Variants in MPHOSPH6 observed in about 807,000 individuals in gnomAD.
MPHOSPH6 encodes the protein M-phase phosphoprotein 6.
Under a neutral mutation model 21.8 loss-of-function variants are expected in MPHOSPH6, and 25 were observed. That is an observed-to-expected ratio of 1.15 (90% confidence interval 0.83 to 1.60). The LOEUF is 1.60. Ranked by LOEUF, MPHOSPH6 falls within the 40% of genes most tolerant of loss-of-function variation. The pLI is 0.00. For synonymous variants in MPHOSPH6, 84 were observed against 56.5 expected, an observed-to-expected ratio of 1.49 and a Z score of -2.18; for missense variants, 269 against 181.8, an observed-to-expected ratio of 1.48 and a Z score of -2.76.
At chr16:82,168,958 A>C (rs1906881323) in intron 1 of MPHOSPH6, among the ~76,000 whole-genome samples, 1 of 152,108 alleles carries the variant, frequency 6.6e-6, no homozygotes, top group Admixed American at 6.5e-5. Flanking sequence ...TGTCTACACT[A>C]CTTATTAGCT....
intron 1 of MPHOSPH6, among the ~76,000 whole-genome samples, chr16:82,168,188 C>A (rs964183674): frequency 8.5e-5 from 13 of 152,168 alleles, no homozygotes; most frequent in African/African-American, 3.1e-4. Flanking sequence ...GCCTGAGTCA[C>A]CCAGTACATC....
intron 1 of MPHOSPH6, among the ~76,000 whole-genome samples, chr16:82,169,286 T>C (rs893853392): frequency 6.6e-6 from 1 of 152,252 alleles, no homozygotes; most frequent in African/African-American, 2.4e-5. Flanking sequence ...GAATTGTCTC[T>C]AATTCTTGGA....
chr16:82,149,326 A>T lies in MPHOSPH6; in HGVS notation c.333T>A (p.Asp111Glu), dbSNP rs1906187866. The change falls in exon 4 of 5, where the codon GAT becomes GAA. Residue 111 changes from aspartate to glutamate, a missense_variant. Physicochemically the swap from Asp to Glu is conservative, Grantham distance 45 (BLOSUM62 2). Coordinates refer to ENST00000258169, the MANE Select transcript of MPHOSPH6 (RefSeq NM_005792.2). Reference protein sequence around the residue: ...EDETVELDVSDEEMARRYETL... With the variant: ...EDETVELDVSEEEMARRYETL... Reference sequence around the variant, plus strand: ...ACGGTTACCTTCTAGCCATCTCTTCATCTGACACATCAAGCTCTACTGTTT... The same window carrying T: ...ACGGTTACCTTCTAGCCATCTCTTCTTCTGACACATCAAGCTCTACTGTTT... 1 of 1,613,272 alleles carries T rather than the reference A, an allele frequency of 6.2e-7. No homozygotes were observed. Among genetic ancestry groups the T allele is most frequent in the Non-Finnish European group, 8.5e-7 (1 of 1,180,032 alleles).
intron 4 of MPHOSPH6, 53 bp from the exon 5 acceptor site, chr16:82,148,916 C>G (rs1274714483): frequency 1.3e-6 from 2 of 1,585,886 alleles, no homozygotes; most frequent in South Asian, 1.1e-5. Flanking sequence ...AGGTAGGGAT[C>G]AAGCCTTGTC....
At chr16:82,167,232 A>G (rs1906811618) in intron 1 of MPHOSPH6, among the ~76,000 whole-genome samples, 2 of 152,170 alleles carry the variant, frequency 1.3e-5, no homozygotes, top group African/African-American at 2.4e-5. Flanking sequence ...CAACCATTCC[A>G]TACTGGAAGA....
chr16:82,159,538 G>T (rs1303800971), intron 2 of MPHOSPH6, among the ~76,000 whole-genome samples: 2 of 152,086 alleles, frequency 1.3e-5, no homozygotes, highest in African/African-American at 4.8e-5. Context: ...CTGAGAAGCT[G>T]GGACTACAGG....
intron 2 of MPHOSPH6, among the ~76,000 whole-genome samples, chr16:82,157,413 T>G (rs920742032): frequency 6.6e-6 from 1 of 152,240 alleles, no homozygotes; most frequent in African/African-American, 2.4e-5. Flanking sequence ...TCCTTTTTTA[T>G]GAAGTTCAAG....
intron 2 of MPHOSPH6, among the ~76,000 whole-genome samples, chr16:82,161,877 T>A (rs896846790): frequency 5.3e-5 from 8 of 152,178 alleles, no homozygotes; most frequent in African/African-American, 1.9e-4. Flanking sequence ...GCCCTAATTA[T>A]CTTCACTGAA....
chr16:82,159,886 T>C (rs1412499134), intron 2 of MPHOSPH6, among the ~76,000 whole-genome samples: 1 of 152,186 alleles, frequency 6.6e-6, no homozygotes, highest in Non-Finnish European at 1.5e-5. Context: ...GTTCAGCTTT[T>C]TCTATGAACT....
In MPHOSPH6 at chr16:82,148,872, A is replaced by AGGACAGGC. The variant is rs1196115889; in HGVS notation, c.351-17_351-10dup. 1.9e-6 allele frequency: 3 copies of AGGACAGGC among 1,613,932 alleles called. No individual in the cohort carries two copies. Among genetic ancestry groups the AGGACAGGC allele is most frequent in the Non-Finnish European group, 2.5e-6 (3 of 1,179,880 alleles). On this transcript the variant is annotated splice_polypyrimidine_tract_variant and intron_variant, in intron 4 of 4. Coordinates refer to ENST00000258169, the MANE Select transcript of MPHOSPH6 (RefSeq NM_005792.2). ...CCACCAAGGTCTCATATCTGTCAAG[A>AGGACAGGC]GGACAGGCAGCACACGTTTAATTTC...
At chr16:82,154,881 C>G (rs895370594) in intron 2 of MPHOSPH6, among the ~76,000 whole-genome samples, 8 of 152,112 alleles carry the variant, frequency 5.3e-5, no homozygotes, top group African/African-American at 1.9e-4. Context: ...GAACACTTTC[C>G]AACTCATTTT....
intron 3 of MPHOSPH6, 62 bp downstream of exon 3, chr16:82,151,362 A>G: frequency 7.5e-6 from 12 of 1,591,340 alleles, no homozygotes; most frequent in South Asian, 2.3e-5. Flanking sequence ...CCTAAGCCCA[A>G]TTATTAGCAG....
intron 1 of MPHOSPH6, 101 bp from the exon 2 acceptor site, chr16:82,164,295 T>A: frequency 1.3e-6 from 1 of 743,482 alleles, no homozygotes; most frequent in Non-Finnish European, 2.2e-6. Flanking sequence ...TTCATTTATC[T>A]ATGGAACCCA....
At chr16:82,151,612 A>G (rs1463095849) in intron 2 of MPHOSPH6, 98 bp from the exon 3 acceptor site, 2 of 1,352,558 alleles carry the variant, frequency 1.5e-6, no homozygotes, top group African/African-American at 2.9e-5. Context: ...TATGGTTCTC[A>G]GTAGAATGAA....
At chr16:82,158,283 T>C (rs947032783) in intron 2 of MPHOSPH6, among the ~76,000 whole-genome samples, 1 of 151,478 alleles carries the variant, frequency 6.6e-6, no homozygotes, top group Admixed American at 6.6e-5. Context: ...GGTCAGGAAA[T>C]TGAGATCATC....
chr16:82,164,043 T>C, intron 2 of MPHOSPH6, 39 bp downstream of exon 2: 1 of 1,364,060 alleles, frequency 7.3e-7, no homozygotes, highest in Non-Finnish European at 1.0e-6. Context: ...TCCTTCTGAA[T>C]GCCACAAGCA....
chr16:82,158,747 G>C (rs1906514254), intron 2 of MPHOSPH6, among the ~76,000 whole-genome samples: 1 of 152,128 alleles, frequency 6.6e-6, no homozygotes, highest in Non-Finnish European at 1.5e-5. Flanking sequence ...GCAAAAGTTA[G>C]AATTCCGAAT....
intron 2 of MPHOSPH6, among the ~76,000 whole-genome samples, chr16:82,161,800 T>C (rs1234316791): frequency 2.0e-5 from 3 of 152,190 alleles, no homozygotes; most frequent in Non-Finnish European, 4.4e-5. Context: ...AGCTAGATCA[T>C]CATTCCCCTA....
intron 1 of MPHOSPH6, among the ~76,000 whole-genome samples, chr16:82,165,263 G>C (rs60038296): frequency 6.6e-6 from 1 of 151,498 alleles, no homozygotes; most frequent in African/African-American, 2.4e-5. Context: ...GAGTAGCTGA[G>C]ATTACGCGCC....
Sources: gnomAD v4.1 joint callset for allele counts (sites outside exome capture counted in the v4.1 genomes callset) on GRCh38, gnomAD v4.1.1 for gene constraint, MANE v1.5 for transcripts, NCBI Gene and HGNC (gene_info 2026-07-23, HGNC 2026-07-21) for gene names.